Variants in BCLAF1 observed in about 807,000 individuals in gnomAD.
The protein encoded by BCLAF1 is BCL2 associated transcription factor 1, also known as bcl-2-associated transcription factor 1.
Under a neutral mutation model 99.5 loss-of-function variants are expected in BCLAF1, and 10 were observed. That is an observed-to-expected ratio of 0.10 (90% CI 0.06 to 0.17). The LOEUF is 0.17. Ranked by LOEUF, BCLAF1 falls within the 10% of genes least tolerant of loss-of-function variation. The pLI is 1.00. For missense variants in BCLAF1, 636 were observed against 1,105.8 expected (o/e 0.58, Z 6.02); for synonymous variants, 255 against 370.9 (o/e 0.69, Z 3.59).
chr6:136,267,417 GAACT>G (rs1781868858), intron 10 of BCLAF1, among the ~76,000 whole-genome samples: 1 of 151,918 alleles, frequency 6.6e-6, no homozygotes, highest in African/African-American at 2.4e-5. Flanking sequence ...TTCATGGACT[GAACT>G]AATATTTTTA....
chr6:136,262,430 CTTTT>C (rs34588131), intron 11 of BCLAF1, among the ~76,000 whole-genome samples: 11 of 151,916 alleles, frequency 7.2e-5, no homozygotes, highest in Non-Finnish European at 1.3e-4. Context: ...GCCACTAAAA[CTTTT>C]TTTTACGTAA....
At chr6:136,266,720 TATAGAC>T (rs1425559463) in intron 11 of BCLAF1, among the ~76,000 whole-genome samples, 1 of 152,102 alleles carries the variant, frequency 6.6e-6, no homozygotes, top group Non-Finnish European at 1.5e-5. Context: ...GTCACTGTCT[TATAGAC>T]AGATATAAAA....
At chr6:136,288,178 T>TA (rs746443096) in intron 1 of BCLAF1, among the ~76,000 whole-genome samples, 2 of 152,222 alleles carry the variant, frequency 1.3e-5, no homozygotes, top group Non-Finnish European at 1.5e-5. Flanking sequence ...TTAAACAAGA[T>TA]ATTTCAGTAT....
At chr6:136,277,829 A>T in intron 4 of BCLAF1, 36 bp downstream of exon 4, 1 of 1,569,458 alleles carries the variant, frequency 6.4e-7, no homozygotes, top group Admixed American at 1.9e-5. Context: ...GAACAAAAAC[A>T]ATATTATAAT....
Position 136,259,895 on chromosome 6 carries a change from A to G in BCLAF1, c.*1215T>C, listed in dbSNP as rs1780761523. 1.3e-5 allele frequency: 2 copies of G among 152,034 alleles called. No individual in the cohort carries two copies. Among genetic ancestry groups the G allele is most frequent in the Admixed American group, 1.3e-4 (2 of 15,262 alleles). The allele number at this position is 152,034 out of a possible 1,614,324, so 9.4% of individuals were successfully genotyped here. On this transcript the variant is annotated 3_prime_UTR_variant, in exon 13 of 13. Transcript: ENST00000531224. ...TACTATTTTAGATTTTCACTCCTTT[A>G]AGAGCTATCAATATAGACACAAAAG...
chr6:136,277,178 T>C (rs1783546180), intron 4 of BCLAF1, among the ~76,000 whole-genome samples: 1 of 152,232 alleles, frequency 6.6e-6, no homozygotes, highest in South Asian at 2.1e-4. Context: ...TCAGCAACAC[T>C]TGAAATCAGA....
At chr6:136,285,441 A>T (rs1204092892) in intron 1 of BCLAF1, among the ~76,000 whole-genome samples, 1 of 152,206 alleles carries the variant, frequency 6.6e-6, no homozygotes, top group Non-Finnish European at 1.5e-5. Context: ...GTCGGAGTGT[A>T]AATGGTTAAT....
intron 8 of BCLAF1, chr6:136,270,002 A>C (rs77026656): frequency 0.016 from 2,454 of 156,066 alleles, 41 homozygotes; most frequent in African/African-American, 0.037. Context: ...CAGATGTTAT[A>C]ATCTGTAGTT....
chr6:136,279,657 T>C, intron 3 of BCLAF1, 106 bp downstream of exon 3: 1 of 1,156,850 alleles, frequency 8.6e-7, no homozygotes. Flanking sequence ...CACAGGGTTC[T>C]TTGAGAATAA....
In BCLAF1 at chr6:136,275,062, AAAGT is replaced by A. The variant is rs367969478; in HGVS notation, c.1852+466_1852+469del. On this transcript the variant is annotated intron_variant, in intron 6 of 12. Coordinates refer to ENST00000531224, the MANE Select transcript of BCLAF1 (RefSeq NM_014739.3). ...TATGTATAAAAAATTAAGCGCAAAA[AAAGT>A]GTTTTTCCACCATTTCAGATTTCTT... Among the ~76,000 whole-genome samples, 378 of 152,166 alleles carry A rather than the reference AAAGT, an allele frequency of 2.5e-3. 1 individual carries two copies. The highest frequency in any genetic ancestry group is 8.7e-3 in the African/African-American group (361 of 41,544).
intron 12 of BCLAF1, 40 bp from the exon 13 acceptor site, chr6:136,261,155 C>A (rs777128127): frequency 9.6e-6 from 15 of 1,567,502 alleles, no homozygotes; most frequent in Admixed American, 5.7e-5. Flanking sequence ...ACAAAAGATG[C>A]GGAGAGTGAA....
chr6:136,272,950 T>C (rs1782738301), intron 7 of BCLAF1, 132 bp downstream of exon 7: 1 of 557,816 alleles, frequency 1.8e-6, no homozygotes, highest in Admixed American at 3.6e-5. Flanking sequence ...CTTTGAAATA[T>C]ATTTATTTAA....
At chr6:136,288,459 T>C (rs1489369806) in intron 1 of BCLAF1, among the ~76,000 whole-genome samples, 1 of 152,224 alleles carries the variant, frequency 6.6e-6, no homozygotes, top group African/African-American at 2.4e-5. Context: ...ATTTACTGCC[T>C]GAACAGTATC....
intron 1 of BCLAF1, among the ~76,000 whole-genome samples, chr6:136,288,063 T>C (rs1378279251): frequency 2.0e-5 from 3 of 152,224 alleles, no homozygotes; most frequent in Non-Finnish European, 4.4e-5. Flanking sequence ...CAGTGAGTAG[T>C]ACTTTTTACA....
chr6:136,276,003 G>T lies in BCLAF1; in HGVS notation c.1522C>A (p.Leu508Ile). 3 of 1,610,996 alleles carry T rather than the reference G, an allele frequency of 1.9e-6. No homozygotes were observed. The highest frequency in any genetic ancestry group is 2.5e-6 in the Non-Finnish European group (3 of 1,179,038). The change falls in exon 5 of 13, where the codon CTC becomes ATC. Residue 508 changes from leucine to isoleucine, a missense_variant. Physicochemically the swap from Leu to Ile is conservative, Grantham distance 5. Coordinates refer to ENST00000531224, the MANE Select transcript of BCLAF1 (RefSeq NM_014739.3). ...EQVKSEKLKD[L>I]FDYSPPLHKN... ...TGTAGAGGGGGACTGTAATCAAAGAGGTCTTTGAGCTTTTCAGACTTTACC... is the reference window on the plus strand; with the variant it reads ...TGTAGAGGGGGACTGTAATCAAAGATGTCTTTGAGCTTTTCAGACTTTACC...
chr6:136,282,157 TCA>T (rs932747065), intron 2 of BCLAF1, among the ~76,000 whole-genome samples: 106 of 152,334 alleles, frequency 7.0e-4, no homozygotes, highest in African/African-American at 2.4e-3. Context: ...AGTACCTACT[TCA>T]CAGACTTGTA....
intron 9 of BCLAF1, 150 bp from the exon 10 acceptor site, chr6:136,268,489 C>G: frequency 1.4e-6 from 1 of 721,518 alleles, no homozygotes; most frequent in Non-Finnish European, 2.3e-6. Flanking sequence ...AACTTTGACA[C>G]AGTCTGTTTC....
chr6:136,271,072 C>T (rs1782457220), intron 8 of BCLAF1, among the ~76,000 whole-genome samples: 1 of 151,672 alleles, frequency 6.6e-6, no homozygotes, highest in African/African-American at 2.4e-5. Context: ...TGTATACTAC[C>T]ACTGTCCATA....
At chr6:136,288,314 C>T (rs1197532964) in intron 1 of BCLAF1, among the ~76,000 whole-genome samples, 2 of 152,198 alleles carry the variant, frequency 1.3e-5, no homozygotes, top group Non-Finnish European at 2.9e-5. Flanking sequence ...TGCAGTGGGA[C>T]GAGCACAGCT....
Sources: allele counts gnomAD v4.1 joint callset (sites outside exome capture counted in the v4.1 genomes callset), GRCh38; gene constraint gnomAD v4.1.1; transcripts MANE v1.5; gene names NCBI Gene and HGNC (gene_info 2026-07-23, HGNC 2026-07-21).